Variants in CNTN1 observed in about 807,000 individuals in gnomAD.
CNTN1 encodes the protein contactin-1.
Under a neutral mutation model 126.4 loss-of-function variants are expected in CNTN1, and 38 were observed. The ratio of observed to expected loss-of-function variants is 0.30; its 90% CI spans 0.23 to 0.39. The LOEUF (loss-of-function observed/expected upper bound fraction) is 0.39. CNTN1 is among the 10% of genes least tolerant of loss of function. The pLI is 1.00. For synonymous variants in CNTN1, 413 were observed against 422.6 expected, an observed-to-expected ratio of 0.98 and a Z score of 0.28; for missense variants, 1,009 against 1,248.4, an observed-to-expected ratio of 0.81 and a Z score of 2.89.
In CNTN1 at chr12:40,953,927, A is replaced by G. The variant is rs150003713; in HGVS notation, c.1684-5187A>G. Among the ~76,000 whole-genome samples, 242 of 152,240 alleles carry G rather than the reference A, an allele frequency of 1.6e-3. 2 individuals carry two copies. The highest frequency in any genetic ancestry group is 0.014 in the Middle Eastern group (4 of 294). ...AGATACATCACATAAATATTTTTAA[A>G]AGGGCAATTATGATACCACAATATG... is the stretch of plus-strand genomic sequence containing the variant. On this transcript the variant is annotated intron_variant, in intron 14 of 23. Transcript: ENST00000551295.
rs375582442 is a variant in CNTN1 at position 40,707,499 on chromosome 12, G to T, written c.-77+14907G>T. Among the ~76,000 whole-genome samples the T allele has an allele frequency of 2.0e-5, 3 of 151,826 alleles. No homozygotes were observed. The East Asian group carries it at 5.8e-4, about 29-fold the overall frequency. ...GATCTCCTGACCTCATGATCTGCCC[G>T]CCTCGGCCTCCCAAAGGGCTGGGAT... On this transcript the variant is annotated intron_variant, in intron 1 of 23. Coordinates refer to ENST00000551295, the MANE Select transcript of CNTN1 (RefSeq NM_001843.4).
chr12:40,885,944 C>A (rs185773948), intron 1 of CNTN1, among the ~76,000 whole-genome samples: 18 of 152,086 alleles, frequency 1.2e-4, no homozygotes, highest in African/African-American at 3.6e-4. Context: ...GGTCATCAAT[C>A]GTGTGTTTGT....
At chr12:40,987,429 A>G (rs1451657463) in intron 16 of CNTN1, among the ~76,000 whole-genome samples, 1 of 152,166 alleles carries the variant, frequency 6.6e-6, no homozygotes, top group Non-Finnish European at 1.5e-5. Context: ...GTTGTACAAG[A>G]TGCTCAGGTC....
At chr12:40,760,564 G>A (rs142225686) in intron 1 of CNTN1, among the ~76,000 whole-genome samples, 51 of 151,820 alleles carry the variant, frequency 3.4e-4, no homozygotes, top group African/African-American at 1.1e-3. Context: ...ACTGCTGTTC[G>A]CAGTGTGGCT....
At chr12:40,695,545 A>G (rs575676836) in intron 1 of CNTN1, among the ~76,000 whole-genome samples, 4 of 152,282 alleles carry the variant, frequency 2.6e-5, no homozygotes, top group African/African-American at 9.6e-5. Context: ...AAATTCTCCA[A>G]TTTCCATCTA....
chr12:41,052,191 T>C (rs556484281), intron 23 of CNTN1, among the ~76,000 whole-genome samples: 2 of 152,310 alleles, frequency 1.3e-5, no homozygotes, highest in South Asian at 2.1e-4. Context: ...GACTGTTCCA[T>C]AAACTTTGTC....
intron 1 of CNTN1, among the ~76,000 whole-genome samples, chr12:40,882,373 T>C (rs1592200964): frequency 1.3e-5 from 2 of 151,760 alleles, no homozygotes; most frequent in East Asian, 3.8e-4. Context: ...GACTGTTACA[T>C]AGAAGAAACA....
At chr12:40,752,947 A>C (rs868295123) in intron 1 of CNTN1, among the ~76,000 whole-genome samples, 4 of 152,190 alleles carry the variant, frequency 2.6e-5, no homozygotes, top group African/African-American at 9.6e-5. Context: ...TGCCCAAGCT[A>C]CATGATTGGA....
At chr12:40,931,428 A>G (rs1015645590) in intron 7 of CNTN1, among the ~76,000 whole-genome samples, 1 of 151,842 alleles carries the variant, frequency 6.6e-6, no homozygotes, top group South Asian at 2.1e-4. Flanking sequence ...ATTCTCACCC[A>G]CTTACACATT....
intron 1 of CNTN1, among the ~76,000 whole-genome samples, chr12:40,865,840 G>A (rs1296983470): frequency 6.6e-6 from 1 of 151,932 alleles, no homozygotes; most frequent in Non-Finnish European, 1.5e-5. Flanking sequence ...AGATTGGCTT[G>A]TCAAAATTTG....
At chr12:41,042,358 G>A (rs1949435217) in intron 23 of CNTN1, among the ~76,000 whole-genome samples, 1 of 152,012 alleles carries the variant, frequency 6.6e-6, no homozygotes, top group Non-Finnish European at 1.5e-5. Context: ...TTTTGGAATA[G>A]GTGTGGTGTG....
At chr12:40,899,614 T>C (rs1255773067) in intron 1 of CNTN1, among the ~76,000 whole-genome samples, 1 of 152,194 alleles carries the variant, frequency 6.6e-6, no homozygotes, top group Admixed American at 6.5e-5. Flanking sequence ...TGCATGCACA[T>C]AGATACCTAT....
intron 3 of CNTN1, among the ~76,000 whole-genome samples, chr12:40,912,415 C>A (rs1483379338): frequency 1.3e-5 from 2 of 150,240 alleles, no homozygotes; most frequent in African/African-American, 4.9e-5. Context: ...AAAAAAAAAC[C>A]TGCAGCTATT....
chr12:40,926,774 G>T lies in CNTN1; in HGVS notation c.496+2122G>T, dbSNP rs563906021. Among the ~76,000 whole-genome samples, 94 of 152,152 alleles carry T rather than the reference G, an allele frequency of 6.2e-4. 1 individual carries two copies. The highest frequency in any genetic ancestry group is 2.1e-3 in the African/African-American group (89 of 41,508). On this transcript the variant is annotated intron_variant, in intron 6 of 23. Coordinates refer to ENST00000551295, the MANE Select transcript of CNTN1 (RefSeq NM_001843.4). ...AATAGAATATACTAAATTCTATATAGAAATCTAGGTATACTTTGGTTAAAT... is the reference window on the plus strand; with the variant it reads ...AATAGAATATACTAAATTCTATATATAAATCTAGGTATACTTTGGTTAAAT...
intron 1 of CNTN1, among the ~76,000 whole-genome samples, chr12:40,834,239 A>G (rs1388761612): frequency 6.6e-6 from 1 of 152,232 alleles, no homozygotes; most frequent in African/African-American, 2.4e-5. Context: ...GAGAACAGTA[A>G]ACGATTTTAA....
At chr12:40,998,655 A>G (rs1948279904) in intron 17 of CNTN1, among the ~76,000 whole-genome samples, 1 of 152,076 alleles carries the variant, frequency 6.6e-6, no homozygotes, top group African/African-American at 2.4e-5. Context: ...GATTTTTTTG[A>G]TAGCTCTTCA....
intron 1 of CNTN1, among the ~76,000 whole-genome samples, chr12:40,900,034 T>A (rs1365659342): frequency 6.6e-6 from 1 of 152,138 alleles, no homozygotes; most frequent in Non-Finnish European, 1.5e-5. Context: ...ATTAGAGCAA[T>A]CCATGTAATC....
intron 15 of CNTN1, among the ~76,000 whole-genome samples, chr12:40,965,998 CCA>C (rs57532764): frequency 0.17 from 22,602 of 135,966 alleles, 1,696 homozygotes; most frequent in Admixed American, 0.23. Context: ...CCTCATCACA[CCA>C]CACACACACA....
At chr12:40,827,244 C>T (rs920327739) in intron 1 of CNTN1, among the ~76,000 whole-genome samples, 5 of 151,768 alleles carry the variant, frequency 3.3e-5, no homozygotes, top group African/African-American at 1.2e-4. Flanking sequence ...AGAGCAAGAG[C>T]TCTCAGAACC....
Sources: allele counts gnomAD v4.1 joint callset (sites outside exome capture counted in the v4.1 genomes callset), GRCh38; gene constraint gnomAD v4.1.1; transcripts MANE v1.5; gene names NCBI Gene and HGNC (gene_info 2026-07-23, HGNC 2026-07-21).